Variants in NDUFS6 observed in about 807,000 individuals in gnomAD.
NDUFS6 encodes NADH dehydrogenase [ubiquinone] iron-sulfur protein 6, mitochondrial.
Under a neutral mutation model 13.2 loss-of-function variants are expected in NDUFS6, and 14 were observed. The ratio of observed to expected loss-of-function variants is 1.06; its 90% CI spans 0.70 to 1.66. The LOEUF is 1.66. NDUFS6 is among the 40% of genes most tolerant of loss of function. NDUFS6 has a pLI of 0.00. For missense variants in NDUFS6, 206 were observed against 170.8 expected (o/e 1.21, Z -1.15); for synonymous variants, 95 against 72.3 (o/e 1.31, Z -1.60).
At chr5:1,810,064 G>C (rs1734194620) in intron 2 of NDUFS6, among the ~76,000 whole-genome samples, 1 of 143,752 alleles carries the variant, frequency 7.0e-6, no homozygotes, top group African/African-American at 2.6e-5. Context: ...GGAGAGTGGT[G>C]CCCTGCCTCC....
At chr5:1,801,961 A>G (rs1343501284) in intron 1 of NDUFS6, among the ~76,000 whole-genome samples, 1 of 152,238 alleles carries the variant, frequency 6.6e-6, no homozygotes. Flanking sequence ...GAACAAAGGT[A>G]CCTGTGTATA....
At chr5:1,813,561 G>T (rs200249760) in intron 2 of NDUFS6, among the ~76,000 whole-genome samples, 2 of 152,122 alleles carry the variant, frequency 1.3e-5, no homozygotes, top group East Asian at 3.9e-4. Flanking sequence ...GCATCTCCAC[G>T]TAGTCCTGTG....
intron 3 of NDUFS6, among the ~76,000 whole-genome samples, chr5:1,815,186 G>T (rs1734289069): frequency 6.6e-6 from 1 of 152,116 alleles, no homozygotes. Flanking sequence ...AGAGACCGTG[G>T]GCTGAAGCTG....
At chr5:1,801,638 G>C (rs930857477) in intron 1 of NDUFS6, 89 bp downstream of exon 1, 37 of 1,492,398 alleles carry the variant, frequency 2.5e-5, no homozygotes, top group African/African-American at 5.6e-5. Flanking sequence ...CCGCGGCCCT[G>C]GTTCTGCGCC....
chr5:1,801,880 A>G lies in NDUFS6; in HGVS notation c.132+331A>G, dbSNP rs562530131. On this transcript the variant is annotated intron_variant, in intron 1 of 3. Transcript: ENST00000274137. ...AACGTTTAGAATTTGTGTAATATTC[A>G]ATAATAAATTTTAGTAACCTGAGAA... is the stretch of plus-strand genomic sequence containing the variant. Among the ~76,000 whole-genome samples the G allele has an allele frequency of 6.6e-5, 10 of 152,380 alleles. No individual in the cohort carries two copies. The East Asian group carries it at 1.7e-3, about 26-fold the overall frequency.
At chr5:1,809,090 T>C (rs897026793) in intron 2 of NDUFS6, among the ~76,000 whole-genome samples, 28 of 152,304 alleles carry the variant, frequency 1.8e-4, no homozygotes, top group African/African-American at 6.7e-4. Context: ...GGACTTTGAC[T>C]CCTAAAGATT....
chr5:1,801,440 G>A lies in NDUFS6; in HGVS notation c.23G>A (p.Cys8Tyr). Residue 8 changes from cysteine to tyrosine, a missense_variant, in exon 1 of 4, where the codon TGC (cysteine) becomes TAC (tyrosine). Physicochemically the swap from Cys to Tyr is radical, Grantham distance 194 (BLOSUM62 -2). Transcript: ENST00000274137. MAAAMTFCRLLNRCGEAA... is the reference protein window; with the variant it reads MAAAMTFYRLLNRCGEAA... ...AAAATGGCGGCGGCGATGACCTTCTGCCGGCTGCTGAACCGGTGTGGCGAG... is the reference window on the plus strand; with the variant it reads ...AAAATGGCGGCGGCGATGACCTTCTACCGGCTGCTGAACCGGTGTGGCGAG... The A allele has an allele frequency of 2.5e-6, 4 of 1,605,144 alleles. No individual in the cohort carries two copies. Among genetic ancestry groups the A allele is most frequent in the Non-Finnish European group, 3.4e-6 (4 of 1,178,554 alleles).
intron 2 of NDUFS6, among the ~76,000 whole-genome samples, chr5:1,807,325 A>C (rs1734143279): frequency 6.6e-6 from 1 of 152,200 alleles, no homozygotes; most frequent in Non-Finnish European, 1.5e-5. Context: ...ATGGAGTTTC[A>C]GTTTACGAAG....
intron 2 of NDUFS6, among the ~76,000 whole-genome samples, chr5:1,810,179 G>A (rs906282162): frequency 3.3e-5 from 5 of 152,232 alleles, no homozygotes; most frequent in East Asian, 1.9e-4. Context: ...ACTCTGGGGC[G>A]GGGACGCTGT....
rs1734048947 is a variant in NDUFS6 at position 1,801,825 on chromosome 5, C to T, written c.132+276C>T. ...TTGCTGTGGACTGGCTGCCCATAGG[C>T]GATTTGTGGCAGCCGATTATTTGGG... On this transcript the variant is annotated intron_variant, in intron 1 of 3. Coordinates refer to ENST00000274137, the MANE Select transcript of NDUFS6 (RefSeq NM_004553.6). Among the ~76,000 whole-genome samples the T allele has an allele frequency of 2.6e-5, 4 of 152,190 alleles. No individual in the cohort carries two copies. The South Asian group carries it at 8.3e-4, about 32-fold the overall frequency.
chr5:1,811,432 T>A (rs1734218301), intron 2 of NDUFS6, among the ~76,000 whole-genome samples: 1 of 152,246 alleles, frequency 6.6e-6, no homozygotes, highest in Non-Finnish European at 1.5e-5. Flanking sequence ...ATACTTTCTT[T>A]AAGTTAAATA....
intron 2 of NDUFS6, among the ~76,000 whole-genome samples, chr5:1,803,959 T>C (rs1734087121): frequency 6.6e-6 from 1 of 152,204 alleles, no homozygotes; most frequent in South Asian, 2.1e-4. Flanking sequence ...GGATGCGGTA[T>C]GGTTTCTTTT....
intron 2 of NDUFS6, among the ~76,000 whole-genome samples, chr5:1,802,821 C>T (rs904460388): frequency 6.6e-6 from 1 of 152,128 alleles, no homozygotes; most frequent in African/African-American, 2.4e-5. Context: ...GGTCTGTTAG[C>T]TCTATGCATT....
Position 1,815,834 on chromosome 5 carries a change from C to G in NDUFS6, c.310-17C>G, listed in dbSNP as rs772682889. ...AGAATATGGAAATATGACATCATTCCTTTTGAATTTTTTCAGGACAAAGAA... is the reference window on the plus strand; with the variant it reads ...AGAATATGGAAATATGACATCATTCGTTTTGAATTTTTTCAGGACAAAGAA... On this transcript the variant is annotated splice_polypyrimidine_tract_variant and intron_variant, in intron 3 of 3. Coordinates refer to ENST00000274137, the MANE Select transcript of NDUFS6 (RefSeq NM_004553.6). The G allele has an allele frequency of 1.9e-6, 3 of 1,613,462 alleles. No homozygotes were observed. The highest frequency in any genetic ancestry group is 1.7e-6 in the Non-Finnish European group (2 of 1,179,480).
At position 1,814,370 on chromosome 5, in the gene NDUFS6, C is replaced by A. The variant is rs762746987; in HGVS notation, c.218C>A (p.Ala73Glu). Residue 73 changes from alanine to glutamate, a missense_variant, in exon 3 of 4, where the codon GCA becomes GAA. Physicochemically the swap from Ala to Glu is moderately radical, Grantham distance 107. Transcript: ENST00000274137. The surrounding 1 kb of genome is among the most constrained non-coding windows in gnomAD (Gnocchi z 4.9). Reference protein sequence around the residue: ...VNENFAIDLIAEQPVSEVETR... With the variant: ...VNENFAIDLIEEQPVSEVETR... ...GAAAACTTTGCCATTGATTTGATAGCAGAGCAGCCCGTGAGCGAGGTGGAG... is the reference window on the plus strand; with the variant it reads ...GAAAACTTTGCCATTGATTTGATAGAAGAGCAGCCCGTGAGCGAGGTGGAG... 73 of 1,614,200 alleles carry A rather than the reference C, an allele frequency of 4.5e-5. No individual in the cohort carries two copies. The highest frequency in any genetic ancestry group is 5.6e-5 in the Non-Finnish European group (66 of 1,180,038).
In NDUFS6 at chr5:1,814,775, C is replaced by T. The variant is rs1428601740; in HGVS notation, c.309+314C>T. 3 of 680,894 alleles carry T rather than the reference C, an allele frequency of 4.4e-6. No individual in the cohort carries two copies. The highest frequency in any genetic ancestry group is 3.6e-5 in the African/African-American group (2 of 56,022). 42.2% of individuals were successfully genotyped at this position (680,894 alleles called of 1,614,324 possible). On this transcript the variant is annotated intron_variant, in intron 3 of 3. Coordinates refer to ENST00000274137, the MANE Select transcript of NDUFS6 (RefSeq NM_004553.6). This position sits in a 1 kb window ranked among gnomAD's most constrained non-coding sequence, Gnocchi z 4.9. ...TCAGCTCAGGCTGCCACACACAGCA[C>T]CGCAGGCTGGGGTCGAAAACAACAA... is the stretch of plus-strand genomic sequence containing the variant.
At chr5:1,812,573 C>G (rs1310311936) in intron 2 of NDUFS6, among the ~76,000 whole-genome samples, 1 of 128,852 alleles carries the variant, frequency 7.8e-6, no homozygotes, top group Non-Finnish European at 1.8e-5. Flanking sequence ...ACTTCCCTGA[C>G]TTGTGCCACA....
intron 2 of NDUFS6, among the ~76,000 whole-genome samples, chr5:1,803,625 T>C (rs747804700): frequency 1.2e-4 from 19 of 152,232 alleles, no homozygotes; most frequent in South Asian, 8.3e-4. Context: ...AGTTGTCGAG[T>C]AAGTGGTGTA....
At chr5:1,801,664 G>A (rs1179209012) in intron 1 of NDUFS6, 115 bp downstream of exon 1, 1 of 1,449,372 alleles carries the variant, frequency 6.9e-7, no homozygotes, top group South Asian at 1.3e-5. Flanking sequence ...CGCAGGTCGT[G>A]GTAAGGTTGT....
Sources: allele counts gnomAD v4.1 joint callset (sites outside exome capture counted in the v4.1 genomes callset), GRCh38; gene constraint gnomAD v4.1.1; non-coding constraint Gnocchi (gnomAD v3.1); transcripts MANE v1.5; gene names NCBI Gene and HGNC (gene_info 2026-07-23, HGNC 2026-07-21).